Variants in PEBP4 observed in about 807,000 individuals in gnomAD.
PEBP4 encodes phosphatidylethanolamine-binding protein 4.
Under a neutral mutation model 23.9 loss-of-function variants are expected in PEBP4, and 22 were observed. The ratio of observed to expected loss-of-function variants is 0.92; its 90% confidence interval spans 0.66 to 1.31. PEBP4 has a LOEUF of 1.31. PEBP4 is among the 40% of genes most tolerant of loss of function. The pLI is 0.00. For synonymous variants in PEBP4, 112 were observed against 99.3 expected, an observed-to-expected ratio of 1.13 and a Z score of -0.76; for missense variants, 324 against 281.7, an observed-to-expected ratio of 1.15 and a Z score of -1.07.
intron 4 of PEBP4, among the ~76,000 whole-genome samples, chr8:22,815,526 C>T (rs1016008043): frequency 4.6e-5 from 7 of 152,188 alleles, no homozygotes; most frequent in East Asian, 3.8e-4. Context: ...TGGTTGACAC[C>T]GTCTCTGTGG....
chr8:22,880,235 G>A (rs1252725473), intron 3 of PEBP4, among the ~76,000 whole-genome samples: 1 of 152,140 alleles, frequency 6.6e-6, no homozygotes, highest in Non-Finnish European at 1.5e-5. Context: ...GCCCTGAGTG[G>A]GCCCCACCTC....
intron 3 of PEBP4, among the ~76,000 whole-genome samples, chr8:22,855,750 G>A (rs543241608): frequency 6.6e-6 from 1 of 152,202 alleles, no homozygotes; most frequent in Admixed American, 6.5e-5. Flanking sequence ...CACAAATATA[G>A]TAAAAAGCAG....
chr8:22,811,588 G>A (rs1806629013), intron 4 of PEBP4, among the ~76,000 whole-genome samples: 1 of 152,202 alleles, frequency 6.6e-6, no homozygotes, highest in Non-Finnish European at 1.5e-5. Flanking sequence ...AATGTGGGCA[G>A]TGCACCATAG....
At chr8:22,794,629 T>G (rs980341274) in intron 4 of PEBP4, among the ~76,000 whole-genome samples, 1 of 152,182 alleles carries the variant, frequency 6.6e-6, no homozygotes, top group Non-Finnish European at 1.5e-5. Context: ...GCGTTACGTG[T>G]TAAAGACAAT....
chr8:22,719,400 G>T (rs1804477072), intron 6 of PEBP4, among the ~76,000 whole-genome samples: 1 of 152,188 alleles, frequency 6.6e-6, no homozygotes, highest in Admixed American at 6.5e-5. Flanking sequence ...GACACCTCTG[G>T]GTGAGGTGAC....
chr8:22,922,506 C>T (rs1365090604), intron 2 of PEBP4, among the ~76,000 whole-genome samples: 1 of 120,374 alleles, frequency 8.3e-6, no homozygotes, highest in Admixed American at 8.3e-5. Flanking sequence ...GGGAGCATCA[C>T]TTGAGCCCAG....
Position 22,724,811 on chromosome 8 carries a change from C to T in PEBP4, c.517+32G>A, listed in dbSNP as rs150285996. On this transcript the variant is annotated intron_variant, in intron 6 of 6. Coordinates refer to ENST00000256404, the MANE Select transcript of PEBP4 (RefSeq NM_144962.3). The stretch of plus-strand genomic sequence containing the variant: ...GTTTGTTCCACCCCAGAATTCACCC[C>T]GGTGGTGGCTGGAAGGATGGGGAGG... 177 of 1,542,380 alleles carry T rather than the reference C, an allele frequency of 1.1e-4. No individual in the cohort carries two copies. The African/African-American group carries it at 1.6e-3, about 14-fold the overall frequency.
At position 22,775,164 on chromosome 8, in the gene PEBP4, G is replaced by A. The variant is rs1371508298; in HGVS notation, c.357+42473C>T. On this transcript the variant is annotated intron_variant, in intron 4 of 6. Transcript: ENST00000256404. The surrounding 1 kb of genome is among the most constrained non-coding windows in gnomAD (Gnocchi z 4.8). ...GACGGGCCCCAAGTTCTCTTCTAAG[G>A]TCATGTTCTAGGTTTTAGGGCTCCC... Among the ~76,000 whole-genome samples the A allele has an allele frequency of 2.6e-5, 4 of 152,316 alleles. No individual in the cohort carries two copies. The highest frequency in any genetic ancestry group is 2.1e-4 in the South Asian group (1 of 4,832).
intron 4 of PEBP4, among the ~76,000 whole-genome samples, chr8:22,787,336 T>A (rs1027609754): frequency 6.6e-6 from 1 of 152,182 alleles, no homozygotes; most frequent in Non-Finnish European, 1.5e-5. Flanking sequence ...CATAAAGAGT[T>A]TGTTCTGGAG....
intron 4 of PEBP4, among the ~76,000 whole-genome samples, chr8:22,773,641 G>T (rs902734916): frequency 1.3e-5 from 2 of 152,178 alleles, no homozygotes; most frequent in Non-Finnish European, 2.9e-5. Flanking sequence ...CCCTGAGAGG[G>T]TGCTCAGGAG....
At chr8:22,911,907 C>G (rs1170659527) in intron 3 of PEBP4, among the ~76,000 whole-genome samples, 1 of 152,238 alleles carries the variant, frequency 6.6e-6, no homozygotes, top group African/African-American at 2.4e-5. Context: ...TGAGAAACAT[C>G]TGGAACCTGT....
chr8:22,935,594 T>C (rs1809526585), intron 1 of PEBP4, among the ~76,000 whole-genome samples: 1 of 152,166 alleles, frequency 6.6e-6, no homozygotes, highest in Admixed American at 6.6e-5. Flanking sequence ...TTTAAAACTT[T>C]GAAGGCCTAT....
intron 3 of PEBP4, among the ~76,000 whole-genome samples, chr8:22,913,937 G>A (rs1211445935): frequency 6.7e-6 from 1 of 149,710 alleles, no homozygotes; most frequent in East Asian, 2.0e-4. Context: ...TCCCACCTTA[G>A]CCTCCCCAGT....
chr8:22,810,877 TGAGAGA>T (rs33995327), intron 4 of PEBP4, among the ~76,000 whole-genome samples: 260 of 137,210 alleles, frequency 1.9e-3, no homozygotes, highest in Middle Eastern at 0.011. Flanking sequence ...CTCAGAGTGC[TGAGAGA>T]GAGAGAGAGA....
At chr8:22,786,648 G>A (rs1272824730) in intron 4 of PEBP4, among the ~76,000 whole-genome samples, 2 of 152,040 alleles carry the variant, frequency 1.3e-5, no homozygotes, top group Non-Finnish European at 2.9e-5. Flanking sequence ...CAGCAGCTTG[G>A]GGGAGCAAAA....
intron 3 of PEBP4, among the ~76,000 whole-genome samples, chr8:22,907,427 A>G (rs900018652): frequency 6.6e-6 from 1 of 152,120 alleles, no homozygotes; most frequent in Admixed American, 6.6e-5. Flanking sequence ...CAGGAGAATC[A>G]CTTGAACCCG....
intron 3 of PEBP4, among the ~76,000 whole-genome samples, chr8:22,913,771 G>C (rs1809002042): frequency 6.6e-6 from 1 of 152,178 alleles, no homozygotes; most frequent in African/African-American, 2.4e-5. Flanking sequence ...TCCTTCTGCT[G>C]TATTTTGACA....
Position 22,724,925 on chromosome 8 carries a change from A to C in PEBP4, c.435T>G (p.Ser145Arg). 1 of 1,614,130 alleles carries C rather than the reference A, an allele frequency of 6.2e-7. No homozygotes were observed. Among genetic ancestry groups the C allele is most frequent in the Non-Finnish European group, 8.5e-7 (1 of 1,180,008 alleles). ...CAAAGAACTGGTAGCGATGGAAGCC[A>C]CTGTGTGCCGGTGGGGAGGGAGCCT... ...AYQAPSPPAH[S>R]GFHRYQFFVY... The change falls in exon 6 of 7, where the codon AGT (serine) becomes AGG (arginine). Residue 145 changes from serine to arginine, a missense_variant. Transcript: ENST00000256404.
chr8:22,922,131 G>T (rs1338673960), intron 2 of PEBP4, among the ~76,000 whole-genome samples: 2 of 152,232 alleles, frequency 1.3e-5, no homozygotes, highest in African/African-American at 4.8e-5. Context: ...GGGAACCAGG[G>T]ATTTGGGTCT....
Sources: allele counts gnomAD v4.1 joint callset (sites outside exome capture counted in the v4.1 genomes callset), GRCh38; gene constraint gnomAD v4.1.1; non-coding constraint Gnocchi (gnomAD v3.1); transcripts MANE v1.5; gene names NCBI Gene and HGNC (gene_info 2026-07-23, HGNC 2026-07-21).